The following IQSEC1 variants were observed in gnomAD, a reference collection of about 807,000 sequenced individuals.
The protein encoded by IQSEC1 is IQ motif and Sec7 domain ArfGEF 1.
Under a neutral mutation model 91.0 loss-of-function variants are expected in IQSEC1, and 31 were observed. That is an observed-to-expected ratio of 0.34 (90% CI 0.26 to 0.46). The LOEUF (loss-of-function observed/expected upper bound fraction) is 0.46. IQSEC1 is among the 20% of genes least tolerant of loss of function. The pLI, the probability that IQSEC1 is intolerant of heterozygous loss-of-function variation, is 1.00. For synonymous variants in IQSEC1, 699 were observed against 662.6 expected, an observed-to-expected ratio of 1.05 and a Z score of -0.84; for missense variants, 1,388 against 1,575.6, an observed-to-expected ratio of 0.88 and a Z score of 2.02.
At chr3:12,946,109 A>G (rs772796379) in intron 1 of IQSEC1, among the ~76,000 whole-genome samples, 11 of 152,180 alleles carry the variant, frequency 7.2e-5, no homozygotes, top group Non-Finnish European at 1.5e-4. Context: ...CTTGGCTATA[A>G]AGTGATGGTC....
chr3:13,082,940 A>G (rs1705669568), intron 2 of IQSEC1, among the ~76,000 whole-genome samples: 1 of 151,382 alleles, frequency 6.6e-6, no homozygotes, highest in South Asian at 2.1e-4. Context: ...TTCCTCCCAC[A>G]CTCACTGCTG....
At position 12,983,464 on chromosome 3, in the gene IQSEC1, C is replaced by T. The variant is rs779103055; in HGVS notation, c.24-41599G>A. ...CCACCTCTCACTGGGTTGGTCTTGG[C>T]AGGTCCAGCCCACCCACCACCTGTC... is the stretch of plus-strand genomic sequence containing the variant. On this transcript the variant is annotated intron_variant, in intron 1 of 13. Coordinates refer to ENST00000613206, the MANE Select transcript of IQSEC1 (RefSeq NM_001134382.3). This position sits in a 1 kb window ranked among gnomAD's most constrained non-coding sequence, Gnocchi z 4.3. Among the ~76,000 whole-genome samples the T allele has an allele frequency of 1.9e-4, 29 of 152,180 alleles. No individual in the cohort carries two copies. The highest frequency in any genetic ancestry group is 3.5e-4 in the Non-Finnish European group (24 of 68,024).
intron 1 of IQSEC1, among the ~76,000 whole-genome samples, chr3:13,052,068 T>C (rs1171831885): frequency 6.6e-6 from 1 of 152,182 alleles, no homozygotes; most frequent in African/African-American, 2.4e-5. Context: ...ACTGGGCCTA[T>C]GGGGACTTCA....
At chr3:13,047,698 C>T (rs1443692257) in intron 1 of IQSEC1, among the ~76,000 whole-genome samples, 1 of 151,920 alleles carries the variant, frequency 6.6e-6, no homozygotes, top group African/African-American at 2.4e-5. Flanking sequence ...TTTCTTTCCC[C>T]CTGCTGGCTC....
intron 1 of IQSEC1, among the ~76,000 whole-genome samples, chr3:12,961,769 T>G (rs1428987429): frequency 6.6e-6 from 1 of 152,254 alleles, no homozygotes; most frequent in Non-Finnish European, 1.5e-5. Context: ...GACTATGCAC[T>G]GTTGAAGCAC....
intron 1 of IQSEC1, among the ~76,000 whole-genome samples, chr3:13,244,229 G>A (rs1050615645): frequency 6.6e-6 from 1 of 151,960 alleles, no homozygotes; most frequent in Non-Finnish European, 1.5e-5. Context: ...GTCTTGCTCT[G>A]TCCCCCAGGC....
Position 13,211,164 on chromosome 3 carries a change from G to A in IQSEC1, c.273-47031C>T, listed in dbSNP as rs941989175. ...CCTCATGGAGCTCGCAGTCTGTGTG[G>A]ACAAGACACAGGGCAGGAGAACAGT... On this transcript the variant is annotated intron_variant, in intron 1 of 15. Transcript: ENST00000648114. This position sits in a 1 kb window ranked among gnomAD's most constrained non-coding sequence, Gnocchi z 5.3. Among the ~76,000 whole-genome samples, 3 of 152,354 alleles carry A rather than the reference G, an allele frequency of 2.0e-5. No homozygotes were observed. The highest frequency in any genetic ancestry group is 7.2e-5 in the African/African-American group (3 of 41,588).
intron 12 of IQSEC1, among the ~76,000 whole-genome samples, chr3:12,906,287 G>T (rs1694974024): frequency 1.3e-5 from 2 of 152,194 alleles, no homozygotes; most frequent in Non-Finnish European, 2.9e-5. Flanking sequence ...GCTCAGTGCT[G>T]TGAGGGCCGT....
intron 1 of IQSEC1, among the ~76,000 whole-genome samples, chr3:13,264,105 C>G (rs920158687): frequency 1.1e-4 from 16 of 152,184 alleles, no homozygotes; most frequent in Non-Finnish European, 2.2e-4. Context: ...AGCCGGACGG[C>G]GCCGGCCAGG....
chr3:13,015,525 G>C (rs1703083134), intron 1 of IQSEC1: 1 of 982,066 alleles, frequency 1.0e-6, no homozygotes, highest in Admixed American at 6.1e-5. Context: ...GCCCCTCACA[G>C]GTTTCTCAGG....
intron 3 of IQSEC1, among the ~76,000 whole-genome samples, chr3:12,932,924 C>G (rs1026764098): frequency 2.0e-5 from 3 of 152,226 alleles, no homozygotes. Flanking sequence ...ATGCCCTCCC[C>G]ACCAACCTAC....
At chr3:13,210,442 C>A (rs528793207) in intron 1 of IQSEC1, among the ~76,000 whole-genome samples, 114 of 152,240 alleles carry the variant, frequency 7.5e-4, no homozygotes, top group Non-Finnish European at 1.3e-3. Flanking sequence ...ATCTCCAAGC[C>A]CCCACTGCCA....
At chr3:13,074,325 T>C (rs1576238251), upstream of IQSEC1, among the ~76,000 whole-genome samples, 1 of 135,950 alleles carries the variant, frequency 7.4e-6, no homozygotes, top group East Asian at 2.2e-4. Flanking sequence ...TGTATTTGAC[T>C]GGCCCAGAGG....
intron 1 of IQSEC1, among the ~76,000 whole-genome samples, chr3:12,944,568 G>A (rs1424300418): frequency 6.6e-6 from 1 of 152,134 alleles, no homozygotes; most frequent in Non-Finnish European, 1.5e-5. Context: ...GGCTCGCCTC[G>A]TCTTTGCAGC....
rs184708100 is a variant in IQSEC1 at position 13,273,305 on chromosome 3, G to C, written c.272+9406C>G. Among the ~76,000 whole-genome samples the C allele has an allele frequency of 1.4e-4, 21 of 152,296 alleles. No individual in the cohort carries two copies. The East Asian group carries it at 3.7e-3, about 27-fold the overall frequency. On this transcript the variant is annotated intron_variant, in intron 1 of 15. Transcript: ENST00000648114. ...AAGTCCTGGCCAGCCCAAGGGAAGT[G>C]AACATCTCTGCTTGGGCTGCTCCTC...
intron 2 of IQSEC1, among the ~76,000 whole-genome samples, chr3:13,136,013 G>A (rs147069340): frequency 1.3e-3 from 204 of 152,344 alleles, no homozygotes; most frequent in African/African-American, 4.4e-3. Flanking sequence ...CCTGCTGGGC[G>A]GTGCAGACCC....
intron 2 of IQSEC1, among the ~76,000 whole-genome samples, chr3:13,125,946 C>T (rs1390658529): frequency 1.3e-5 from 2 of 152,174 alleles, no homozygotes; most frequent in Non-Finnish European, 2.9e-5. Context: ...AAAAAGATGC[C>T]TCCTGCACTG....
intron 1 of IQSEC1, among the ~76,000 whole-genome samples, chr3:12,987,619 G>A (rs1445570335): frequency 6.6e-6 from 1 of 152,258 alleles, no homozygotes. Flanking sequence ...CTGAAATTGA[G>A]AAGTTTATCC....
chr3:12,926,448 C>A (rs1304293752), intron 3 of IQSEC1, among the ~76,000 whole-genome samples: 1 of 152,250 alleles, frequency 6.6e-6, no homozygotes, highest in African/African-American at 2.4e-5. Flanking sequence ...TCAGGCCAGA[C>A]TGGCTCCATG....
Sources: allele counts gnomAD v4.1 joint callset (sites outside exome capture counted in the v4.1 genomes callset), GRCh38; gene constraint gnomAD v4.1.1; non-coding constraint Gnocchi (gnomAD v3.1); transcripts MANE v1.5; gene names NCBI Gene and HGNC (gene_info 2026-07-23, HGNC 2026-07-21).